Variants in SETD2 observed in about 807,000 individuals in gnomAD.
The protein encoded by SETD2 is SET domain containing 2, histone lysine methyltransferase, also known as histone-lysine N-methyltransferase SETD2.
SETD2 carries 31 observed loss-of-function variants against 242.1 expected under a neutral mutation model. The ratio of observed to expected loss-of-function variants is 0.13; its 90% CI spans 0.10 to 0.17. The LOEUF is 0.17. Ranked by LOEUF, SETD2 falls within the 10% of genes least tolerant of loss-of-function variation. SETD2 has a pLI of 1.00. For synonymous variants in SETD2, 1,006 were observed against 1,066.5 expected, an observed-to-expected ratio of 0.94 and a Z score of 1.11; for missense variants, 2,481 against 3,046.3, an observed-to-expected ratio of 0.81 and a Z score of 4.37.
At chr3:47,046,314 G>A (rs2039523978) in intron 16 of SETD2, among the ~76,000 whole-genome samples, 173 bp downstream of exon 16, 3 of 148,970 alleles carry the variant, frequency 2.0e-5, no homozygotes, top group South Asian at 4.2e-4. Flanking sequence ...TCCAGCCTGG[G>A]TGACAGAGCG....
chr3:47,117,270 A>AC lies in SETD2; in HGVS notation c.4455-517_4455-516insG, dbSNP rs1480260083. ...CTAAGACCTGCATTACCAAAAAAAA[A>AC]AAAAAAAAAACAAACAAAAAAAAAA... On this transcript the variant is annotated intron_variant, in intron 3 of 20. Coordinates refer to ENST00000409792, the MANE Select transcript of SETD2 (RefSeq NM_014159.7). Among the ~76,000 whole-genome samples the AC allele has an allele frequency of 3.1e-3, 441 of 140,168 alleles. 4 individuals are homozygous for AC. Among genetic ancestry groups the AC allele is most frequent in the African/African-American group, 0.012 (411 of 33,136 alleles). 92.0% of individuals were successfully genotyped at this position (140,168 alleles called of 152,430 possible).
chr3:47,064,773 T>C (rs2040488351), intron 13 of SETD2: 1 of 151,570 alleles, frequency 6.6e-6, no homozygotes, highest in Non-Finnish European at 1.5e-5. Context: ...TATGTAAATA[T>C]ATATAAAATA....
chr3:47,128,853 G>T (rs972731159), intron 1 of SETD2, among the ~76,000 whole-genome samples: 3 of 152,028 alleles, frequency 2.0e-5, no homozygotes, highest in Non-Finnish European at 4.4e-5. Context: ...AGAACCTATG[G>T]TATATTCAAT....
chr3:47,060,809 C>T (rs534678610), intron 14 of SETD2, among the ~76,000 whole-genome samples: 36 of 151,842 alleles, frequency 2.4e-4, no homozygotes, highest in Middle Eastern at 3.4e-3. Context: ...AAATACAAGC[C>T]GTAAACTGGG....
chr3:47,076,422 A>G (rs2041079698), intron 12 of SETD2, among the ~76,000 whole-genome samples: 1 of 152,232 alleles, frequency 6.6e-6, no homozygotes. Flanking sequence ...TGAAGGATTT[A>G]TATTTCCGAA....
intron 1 of SETD2, among the ~76,000 whole-genome samples, chr3:47,138,602 G>C (rs1394177935): frequency 6.6e-6 from 1 of 151,986 alleles, no homozygotes; most frequent in Non-Finnish European, 1.5e-5. Flanking sequence ...TGTATTTTTA[G>C]TAGAGATGAG....
Position 47,120,402 on chromosome 3 carries a change from C to T in SETD2, c.4234G>A (p.Glu1412Lys), listed in dbSNP as rs2107741156. 6.2e-7 allele frequency: 1 copy of T among 1,612,086 alleles called. No homozygotes were observed. Among genetic ancestry groups the T allele is most frequent in the Non-Finnish European group, 8.5e-7 (1 of 1,179,502 alleles). ...GPLKKRRQEI[E>K]SDSESDGELQ... ...TCACCATCACTTTCAGAATCACTCT[C>T]TATTTCCTGCCTCCTTTTTTTAAGA... The change falls in exon 3 of 21, where the codon GAG (glutamate) becomes AAG (lysine). Residue 1412 changes from glutamate (E) to lysine (K), a missense_variant. Transcript: ENST00000409792.
In SETD2 at chr3:47,120,248, C is replaced by A. The variant is rs2043017731; in HGVS notation, c.4388G>T (p.Cys1463Phe). The A allele has an allele frequency of 1.2e-6, 2 of 1,601,374 alleles. No individual in the cohort carries two copies. The highest frequency in any genetic ancestry group is 1.7e-6 in the Non-Finnish European group (2 of 1,175,202). Residue 1463 changes from cysteine to phenylalanine, a missense_variant, in exon 3 of 21, where the codon TGT becomes TTT. Cys to Phe is a radical substitution (Grantham distance 205). This residue lies in a region of SETD2 where 48 missense variants were observed against 76.6 expected (regional missense o/e 0.63). Coordinates refer to ENST00000409792, the MANE Select transcript of SETD2 (RefSeq NM_014159.7). The stretch of plus-strand genomic sequence containing the variant: ...ACATGGCATTTTCCCTTGCTTGGCA[C>A]ATTCCTTCCATCGCTGTGGGTCCCT... ...DFRDPQRWKE[C>F]AKQGKMPCYF... is the part of the protein sequence containing the mutation.
intron 18 of SETD2, among the ~76,000 whole-genome samples, chr3:47,026,317 G>A (rs969069656): frequency 5.9e-5 from 9 of 152,226 alleles, no homozygotes; most frequent in Admixed American, 1.3e-4. Context: ...AGACACCGGA[G>A]AGGTTGTGGA....
chr3:47,142,245 C>G (rs1189194138), intron 1 of SETD2, among the ~76,000 whole-genome samples: 1 of 152,122 alleles, frequency 6.6e-6, no homozygotes, highest in East Asian at 1.9e-4. Context: ...GTAGCTCCCC[C>G]ATCTGTAATC....
At chr3:47,159,499 T>C (rs867463735) in intron 1 of SETD2, among the ~76,000 whole-genome samples, 12 of 152,338 alleles carry the variant, frequency 7.9e-5, no homozygotes, top group Middle Eastern at 6.8e-3. Flanking sequence ...ACTACTCTTA[T>C]ATTACCATCT....
At chr3:47,117,421 C>G (rs2042907260) in intron 3 of SETD2, among the ~76,000 whole-genome samples, 1 of 152,066 alleles carries the variant, frequency 6.6e-6, no homozygotes, top group Non-Finnish European at 1.5e-5. Flanking sequence ...AGAACAGTTT[C>G]AAGTGTTAAA....
chr3:47,129,340 GA>G (rs1370752314), intron 1 of SETD2, among the ~76,000 whole-genome samples: 5 of 152,180 alleles, frequency 3.3e-5, no homozygotes, highest in Non-Finnish European at 7.3e-5. Flanking sequence ...ACAAGCAAAA[GA>G]AAAGTCCACA....
intron 18 of SETD2, among the ~76,000 whole-genome samples, chr3:47,034,702 A>C (rs543256451): frequency 2.0e-5 from 3 of 152,196 alleles, no homozygotes; most frequent in Non-Finnish European, 4.4e-5. Flanking sequence ...TGACAAAATA[A>C]ATAAATCCCT....
chr3:47,079,367 G>C (rs1342892959), intron 12 of SETD2, among the ~76,000 whole-genome samples: 1 of 151,964 alleles, frequency 6.6e-6, no homozygotes, highest in Non-Finnish European at 1.5e-5. Context: ...ATTCTATAAT[G>C]TATACACCCT....
At chr3:47,061,912 C>T (rs767677725) in intron 14 of SETD2, among the ~76,000 whole-genome samples, 3 of 152,110 alleles carry the variant, frequency 2.0e-5, no homozygotes, top group Non-Finnish European at 4.4e-5. Flanking sequence ...TCTTTGGCTC[C>T]CAAAACGACA....
At chr3:47,038,960 C>T (rs977981787) in intron 17 of SETD2, among the ~76,000 whole-genome samples, 2 of 152,088 alleles carry the variant, frequency 1.3e-5, no homozygotes, top group Non-Finnish European at 2.9e-5. Context: ...AACAACATAA[C>T]AACATTAAAG....
chr3:47,140,745 C>T (rs1340353873), intron 1 of SETD2, among the ~76,000 whole-genome samples: 1 of 152,142 alleles, frequency 6.6e-6, no homozygotes, highest in Non-Finnish European at 1.5e-5. Context: ...TCTGTAATCC[C>T]AGCTACTCGG....
In SETD2 at chr3:47,074,688, A is replaced by G. The variant is rs956966357; in HGVS notation, c.6061-7570T>C. On this transcript the variant is annotated intron_variant, in intron 12 of 20. Transcript: ENST00000409792. ...CATCTAGAAACACTTTTTGAACCACAGTTCATTCCTTTCTCAACCCAGATA... is the reference window on the plus strand; with the variant it reads ...CATCTAGAAACACTTTTTGAACCACGGTTCATTCCTTTCTCAACCCAGATA... Among the ~76,000 whole-genome samples, 8 of 152,064 alleles carry G rather than the reference A, an allele frequency of 5.3e-5. 1 individual carries two copies. The highest frequency in any genetic ancestry group is 5.2e-4 in the Admixed American group (8 of 15,266).
Sources: allele counts gnomAD v4.1 joint callset (sites outside exome capture counted in the v4.1 genomes callset), GRCh38; gene constraint gnomAD v4.1.1; regional missense constraint gnomAD v4.1.1; transcripts MANE v1.5; gene names NCBI Gene and HGNC (gene_info 2026-07-23, HGNC 2026-07-21).